The following ZP3 variants were observed in gnomAD, a reference collection of about 807,000 sequenced individuals.
ZP3 encodes the protein zona pellucida glycoprotein 3, also known as zona pellucida sperm-binding protein 3.
ZP3 carries 21 observed loss-of-function variants against 35.6 expected under a neutral mutation model. The ratio of observed to expected loss-of-function variants is 0.59; its 90% CI spans 0.42 to 0.85. ZP3 has a LOEUF of 0.85. Ranked by LOEUF, ZP3 falls within the 40% of genes least tolerant of loss-of-function variation. The probability of loss-of-function intolerance (pLI) is 0.00; values close to 1 mark genes in which losing one functional copy is unlikely to be tolerated. For missense variants in ZP3, 437 were observed against 536.5 expected (o/e 0.81, Z 1.83); for synonymous variants, 207 against 214.5 (o/e 0.96, Z 0.31).
intron 1 of ZP3, among the ~76,000 whole-genome samples, chr7:76,417,244 A>C (rs1029747965): frequency 1.3e-5 from 2 of 151,852 alleles, no homozygotes; most frequent in African/African-American, 2.4e-5. Flanking sequence ...TTTTCAGTAA[A>C]GACAGGGTTT....
Position 76,440,555 on chromosome 7 carries a change from G to A in ZP3, c.1004G>A (p.Arg335Lys), listed in dbSNP as rs1426702047. Reference sequence around the variant, plus strand: ...TGTGGCACTCCAAGCCATTCCAGGAGGCAGCCTCATGTCATGAGCCAGTGG... The same window carrying A: ...TGTGGCACTCCAAGCCATTCCAGGAAGCAGCCTCATGTCATGAGCCAGTGG... ...GDCGTPSHSR[R>K]QPHVMSQWSR... is the part of the protein sequence containing the mutation. Residue 335 changes from arginine to lysine, a missense_variant, in exon 7 of 8, where the codon AGG (arginine) becomes AAG (lysine). By Grantham distance (26) the Arg-to-Lys change is conservative. Coordinates refer to ENST00000394857, the MANE Select transcript of ZP3 (RefSeq NM_001110354.2). 6.2e-7 allele frequency: 1 copy of A among 1,614,208 alleles called. No homozygotes were observed.
chr7:76,430,729 C>T (rs1449279300), intron 2 of ZP3, among the ~76,000 whole-genome samples: 2 of 152,132 alleles, frequency 1.3e-5, no homozygotes, highest in Non-Finnish European at 2.9e-5. Flanking sequence ...AGCAAGACTC[C>T]ATCTCAAAAA....
intron 2 of ZP3, among the ~76,000 whole-genome samples, chr7:76,430,326 GC>G (rs1389992386): frequency 6.6e-6 from 1 of 152,226 alleles, no homozygotes. Context: ...GTGAACTCAG[GC>G]CCTGAAGTGG....
chr7:76,411,093 C>T (rs1159472915), intron 1 of ZP3, among the ~76,000 whole-genome samples: 2 of 152,038 alleles, frequency 1.3e-5, no homozygotes, highest in African/African-American at 4.8e-5. Flanking sequence ...CGCACCTGTC[C>T]TTCCTCCCTC....
At chr7:76,400,334 C>T (rs1274811589) in intron 1 of ZP3, 7 of 1,515,150 alleles carry the variant, frequency 4.6e-6, no homozygotes, top group Non-Finnish European at 6.2e-6. Flanking sequence ...TTGTGGACGC[C>T]CCAGCCGCGG....
At chr7:76,423,798 G>A (rs1392134667), upstream of ZP3, among the ~76,000 whole-genome samples, 1 of 151,878 alleles carries the variant, frequency 6.6e-6, no homozygotes, top group Non-Finnish European at 1.5e-5. Flanking sequence ...GGAGGCGGAG[G>A]CTGCAGTGAG....
upstream of ZP3, chr7:76,424,906 G>GCCAGCAT (rs1178482864): frequency 1.2e-5 from 18 of 1,440,550 alleles, no homozygotes; most frequent in East Asian, 4.5e-4. Context: ...GGTGGCAGCA[G>GCCAGCAT]CCAGCATCCC....
intron 1 of ZP3, chr7:76,398,637 T>C: frequency 1.4e-6 from 2 of 1,425,914 alleles, no homozygotes; most frequent in South Asian, 2.3e-5. Context: ...CAATTTGTAA[T>C]CCCTGTCTTC....
intron 1 of ZP3, among the ~76,000 whole-genome samples, chr7:76,416,368 G>GC (rs1423867557): frequency 2.0e-5 from 3 of 152,148 alleles, no homozygotes; most frequent in Non-Finnish European, 4.4e-5. Context: ...AGTCGAGGCT[G>GC]CAGTGAGCCA....
intron 1 of ZP3, among the ~76,000 whole-genome samples, chr7:76,407,957 G>C (rs968188536): frequency 1.3e-5 from 2 of 152,178 alleles, no homozygotes; most frequent in Non-Finnish European, 2.9e-5. Flanking sequence ...ATAGGAGGCA[G>C]AGAGGAAGGA....
At chr7:76,397,681 G>A (rs1178482320) in exon 1 of ZP3, 9 of 1,613,188 alleles carry the variant, frequency 5.6e-6, no homozygotes, top group Non-Finnish European at 6.8e-6. Context: ...TGGCGGCCAT[G>A]GCCGCCCCGC....
chr7:76,439,481 C>T (rs1806132240), intron 5 of ZP3, among the ~76,000 whole-genome samples: 1 of 150,674 alleles, frequency 6.6e-6, no homozygotes, highest in African/African-American at 2.4e-5. Context: ...CTGAGGCGGA[C>T]AGATCACTTG....
At chr7:76,400,588 A>G (rs1427996895) in intron 1 of ZP3, 33 of 1,462,976 alleles carry the variant, frequency 2.3e-5, no homozygotes, top group Non-Finnish European at 2.9e-5. Flanking sequence ...CACCAGCCTC[A>G]GCTCTGTGAA....
At chr7:76,404,527 G>A in intron 1 of ZP3, 1 of 1,601,072 alleles carries the variant, frequency 6.2e-7, no homozygotes. Flanking sequence ...GATCCCAAAT[G>A]TTGCTGGGCC....
chr7:76,415,157 C>G (rs186933394), intron 1 of ZP3, among the ~76,000 whole-genome samples: 2 of 151,418 alleles, frequency 1.3e-5, no homozygotes, highest in Non-Finnish European at 2.9e-5. Flanking sequence ...GGGCGGATCA[C>G]GTGAGGTCAG....
chr7:76,416,255 C>G (rs1805368526), intron 1 of ZP3, among the ~76,000 whole-genome samples: 1 of 151,074 alleles, frequency 6.6e-6, no homozygotes, highest in South Asian at 2.1e-4. Flanking sequence ...TGGTGAAACT[C>G]TGGCTCTACA....
At position 76,418,328 on chromosome 7, in the gene ZP3, A is replaced by G. The variant is rs1192947095; in HGVS notation, c.-66-6724A>G. ...CGCTTTGGGTGGCTGAGGCAGGCAG[A>G]TCACTTGAGGTCAGGAGATCGAGAC... On this transcript the variant is annotated intron_variant, in intron 1 of 8. Transcript: ENST00000336517. Among the ~76,000 whole-genome samples the G allele has an allele frequency of 2.6e-5, 4 of 152,114 alleles. No individual in the cohort carries two copies. In the East Asian group the frequency reaches 7.7e-4, roughly 29 times the overall value.
chr7:76,429,712 C>A, intron 2 of ZP3, 79 bp downstream of exon 2: 1 of 1,192,378 alleles, frequency 8.4e-7, no homozygotes, highest in Non-Finnish European at 1.2e-6. Flanking sequence ...TGGCTATGGG[C>A]TACAGCTTGC....
chr7:76,426,834 A>ACC (rs1172005758), intron 1 of ZP3, among the ~76,000 whole-genome samples: 1 of 141,688 alleles, frequency 7.1e-6, no homozygotes. Context: ...GTTTAAGGCC[A>ACC]CCCTGGGCAA....
Sources: allele counts gnomAD v4.1 joint callset (sites outside exome capture counted in the v4.1 genomes callset), GRCh38; gene constraint gnomAD v4.1.1; transcripts MANE v1.5; gene names NCBI Gene and HGNC (gene_info 2026-07-23, HGNC 2026-07-21).